The following NLGN4Y variants were observed in gnomAD, a reference collection of about 807,000 sequenced individuals.
The protein encoded by NLGN4Y is neuroligin 4 Y-linked, also known as neuroligin-4, Y-linked.
NLGN4Y carries 4 observed loss-of-function variants against 8.4 expected under a neutral mutation model. The ratio of observed to expected loss-of-function variants is 0.48; its 90% CI spans 0.23 to 1.09. The LOEUF is 1.09. NLGN4Y is among the 50% of genes least tolerant of loss of function. The probability of loss-of-function intolerance (pLI) is 0.19; values close to 1 mark genes in which losing one functional copy is unlikely to be tolerated. For missense variants in NLGN4Y, 90 were observed against 192.3 expected, an observed-to-expected ratio of 0.47 and a Z score of 3.15; for synonymous variants, 35 against 75.6, an observed-to-expected ratio of 0.46 and a Z score of 2.78.
intron 1 of NLGN4Y, among the ~76,000 whole-genome samples, chrY:14,567,819 G>A: frequency 1.5e-4 from 5 of 32,499 alleles, no homozygotes; most frequent in Admixed American, 1.4e-3. Context: ...ATACAAGTGT[G>A]AGCCACTGTG....
At chrY:14,704,469 T>C (rs751465527) in intron 2 of NLGN4Y, among the ~76,000 whole-genome samples, 16 of 33,502 alleles carry the variant, frequency 4.8e-4, no homozygotes, top group Admixed American at 2.5e-3. Flanking sequence ...CATTTATTGA[T>C]TTGCATATAT....
intron 1 of NLGN4Y, among the ~76,000 whole-genome samples, chrY:14,545,608 G>A: frequency 2.1e-4 from 7 of 33,275 alleles, no homozygotes; most frequent in South Asian, 2.1e-3. Context: ...CGTGTCCTTC[G>A]CCCACTTTTT....
At chrY:14,725,683 G>A (rs2080953073) in intron 4 of NLGN4Y, among the ~76,000 whole-genome samples, 2 of 33,644 alleles carry the variant, frequency 5.9e-5, no homozygotes, top group South Asian at 6.6e-4. Context: ...CCATTTTAAC[G>A]TGACTCGTGG....
chrY:14,540,492 C>T, intron 1 of NLGN4Y, among the ~76,000 whole-genome samples: 1 of 33,314 alleles, frequency 3.0e-5, no homozygotes, highest in African/African-American at 1.2e-4. Flanking sequence ...CAGACTGCCT[C>T]CTCAAATGGG....
chrY:14,819,205 T>C (rs2043113797), intron 4 of NLGN4Y, among the ~76,000 whole-genome samples: 1 of 33,126 alleles, frequency 3.0e-5, no homozygotes, highest in African/African-American at 1.2e-4. Context: ...CCAGTGGGGA[T>C]CCATATGGGT....
chrY:14,793,582 C>T (rs2042995488), intron 4 of NLGN4Y: 2 of 33,704 alleles, frequency 5.9e-5, no homozygotes, highest in African/African-American at 1.2e-4. Context: ...AATTAGAATA[C>T]GTATAATTTT....
At chrY:14,577,165 C>A in intron 1 of NLGN4Y, among the ~76,000 whole-genome samples, 1 of 33,452 alleles carries the variant, frequency 3.0e-5, no homozygotes, top group South Asian at 6.7e-4. Context: ...AGTCTTAAAT[C>A]CTAGATATTC....
intron 2 of NLGN4Y, among the ~76,000 whole-genome samples, chrY:14,703,548 G>C: frequency 6.0e-5 from 2 of 33,549 alleles, no homozygotes; most frequent in Non-Finnish European, 1.5e-4. Context: ...GTACCGTACT[G>C]TTTTGGTTAC....
intron 2 of NLGN4Y, among the ~76,000 whole-genome samples, chrY:14,660,082 A>G: frequency 3.0e-5 from 1 of 33,689 alleles, no homozygotes; most frequent in East Asian, 7.9e-4. Context: ...GTGCTTGGCC[A>G]TAACCTATAG....
At chrY:14,791,217 CT>C (rs2042984965) in intron 4 of NLGN4Y, among the ~76,000 whole-genome samples, 1 of 33,269 alleles carries the variant, frequency 3.0e-5, no homozygotes, top group Non-Finnish European at 7.4e-5. Context: ...TTGACCATTG[CT>C]TCTTGATCAT....
intron 6 of NLGN4Y, among the ~76,000 whole-genome samples, chrY:14,838,895 C>A: frequency 3.0e-5 from 1 of 33,154 alleles, no homozygotes; most frequent in Non-Finnish European, 7.4e-5. Context: ...ATTTCCTTTA[C>A]GACCACCACA....
chrY:14,803,823 A>G, intron 4 of NLGN4Y, among the ~76,000 whole-genome samples: 1 of 33,512 alleles, frequency 3.0e-5, no homozygotes, highest in Non-Finnish European at 7.4e-5. Flanking sequence ...CAACTGATGC[A>G]CTTTGGATAT....
intron 4 of NLGN4Y, among the ~76,000 whole-genome samples, chrY:14,792,784 CAAAAAAAAAAAAAAAAAAAAAAAA>C (rs1302985273): frequency 2.1e-3 from 1 of 479 alleles, no homozygotes; most frequent in Non-Finnish European, 3.5e-3. Context: ...ATCCTGTCTC[CAAAAAAAAAAAAAAAAAAAAAAAA>C]AAAAAAAAAA....
intron 1 of NLGN4Y, among the ~76,000 whole-genome samples, chrY:14,587,326 A>T: frequency 5.9e-5 from 2 of 34,042 alleles, no homozygotes; most frequent in African/African-American, 1.1e-4. Context: ...ACGTTGGCTG[A>T]AACTAAGACT....
At chrY:14,689,936 A>G in intron 2 of NLGN4Y, among the ~76,000 whole-genome samples, 1 of 33,221 alleles carries the variant, frequency 3.0e-5, no homozygotes, top group Non-Finnish European at 7.4e-5. Context: ...GGAGAGGTAG[A>G]TTTCACCAGG....
chrY:14,776,199 A>G, intron 4 of NLGN4Y, among the ~76,000 whole-genome samples: 1 of 30,582 alleles, frequency 3.3e-5, no homozygotes, highest in African/African-American at 1.3e-4. Flanking sequence ...TAAATATAGA[A>G]ATAAATATAA....
chrY:14,666,376 C>T, intron 2 of NLGN4Y, among the ~76,000 whole-genome samples: 1 of 33,652 alleles, frequency 3.0e-5, no homozygotes, highest in Non-Finnish European at 7.4e-5. Flanking sequence ...TGAAACCCTA[C>T]CTTCTGGTTT....
chrY:14,837,995 T>A, intron 6 of NLGN4Y, among the ~76,000 whole-genome samples: 1 of 33,187 alleles, frequency 3.0e-5, no homozygotes, highest in African/African-American at 1.2e-4. Context: ...AAACGAGGAA[T>A]CTTCACTTCC....
At chrY:14,591,479 C>A in intron 1 of NLGN4Y, among the ~76,000 whole-genome samples, 2 of 32,775 alleles carry the variant, frequency 6.1e-5, no homozygotes, top group African/African-American at 2.4e-4. Flanking sequence ...GTGGTAGGGG[C>A]GCTGTTGCAG....
Sources: allele counts gnomAD v4.1 joint callset (sites outside exome capture counted in the v4.1 genomes callset), GRCh38; gene constraint gnomAD v4.1.1; transcripts MANE v1.5; gene names NCBI Gene and HGNC (gene_info 2026-07-23, HGNC 2026-07-21).